ERC2: variants seen among roughly 807,000 people sequenced by gnomAD.
The protein encoded by ERC2 is ELKS/RAB6-interacting/CAST family member 2.
A neutral mutation model predicts 114.8 loss-of-function variants in ERC2; 42 were observed. The observed-to-expected ratio is 0.37, with a 90% CI of 0.29 to 0.47. ERC2 has a LOEUF of 0.47. Ranked by LOEUF, ERC2 falls within the 20% of genes least tolerant of loss-of-function variation. ERC2 has a pLI of 0.99. For missense variants in ERC2, 939 were observed against 1,150.7 expected (o/e 0.82, Z 2.66); for synonymous variants, 454 against 425.5 (o/e 1.07, Z -0.82).
chr3:56,434,607 T>A lies in ERC2; in HGVS notation c.401A>T (p.Gln134Leu), dbSNP rs2061936373. ...LTGSSHHHHH[Q>L]VPSMLRQVRD... ...TACCTGCCTCAACATGGAGGGGACC[T>A]GGTGGTGGTGATGATGGGATGAGCC... The change falls in exon 2 of 18, where the codon CAG becomes CTG. Residue 134 changes from glutamine (Q) to leucine (L), a missense_variant. By Grantham distance (113) the Gln-to-Leu change is moderately radical. This residue lies in a region of ERC2 where 281 missense variants were observed against 307.4 expected (regional missense o/e 0.91). Transcript: ENST00000288221. 1 of 1,613,834 alleles carries A rather than the reference T, an allele frequency of 6.2e-7. No individual in the cohort carries two copies. Among genetic ancestry groups the A allele is most frequent in the African/African-American group, 1.3e-5 (1 of 74,902 alleles).
intron 7 of ERC2, among the ~76,000 whole-genome samples, chr3:56,041,225 T>A (rs2075173257): frequency 6.6e-6 from 1 of 152,158 alleles, no homozygotes; most frequent in Admixed American, 6.5e-5. Flanking sequence ...TTACATTCTA[T>A]GTATATCTTT....
chr3:55,943,075 T>A (rs904182911), intron 13 of ERC2, among the ~76,000 whole-genome samples: 1 of 152,218 alleles, frequency 6.6e-6, no homozygotes, highest in Non-Finnish European at 1.5e-5. Context: ...CTGGTAGCGA[T>A]AACTCAGGGT....
intron 2 of ERC2, among the ~76,000 whole-genome samples, chr3:56,368,739 C>T (rs1039072926): frequency 1.5e-4 from 22 of 151,692 alleles, no homozygotes; most frequent in African/African-American, 4.6e-4. Context: ...CCCAGCTTGT[C>T]AAAAACAGGT....
chr3:56,380,407 G>A (rs2059703824), intron 2 of ERC2, among the ~76,000 whole-genome samples: 1 of 151,890 alleles, frequency 6.6e-6, no homozygotes. Flanking sequence ...CCCACTCCCT[G>A]GGCTGATGCT....
At chr3:55,957,954 C>T (rs77167976) in intron 12 of ERC2, among the ~76,000 whole-genome samples, 2 of 152,322 alleles carry the variant, frequency 1.3e-5, no homozygotes, top group East Asian at 3.9e-4. Flanking sequence ...TCTCACCGCC[C>T]ACTATATGGT....
At chr3:56,427,265 TTGG>T (rs201138919) in intron 2 of ERC2, among the ~76,000 whole-genome samples, 6,167 of 151,914 alleles carry the variant, frequency 0.041, 310 homozygotes, top group African/African-American at 0.11. Context: ...TTTTGTTTGG[TTGG>T]TTGGTTGGTT....
At chr3:56,101,203 G>C (rs1167626087) in intron 6 of ERC2, among the ~76,000 whole-genome samples, 2 of 152,250 alleles carry the variant, frequency 1.3e-5, no homozygotes, top group East Asian at 3.9e-4. Flanking sequence ...CGGACTGCAG[G>C]CTGGTGCGCC....
chr3:55,897,604 A>G (rs1027594384), intron 13 of ERC2, among the ~76,000 whole-genome samples: 4 of 152,146 alleles, frequency 2.6e-5, no homozygotes, highest in African/African-American at 7.2e-5. Flanking sequence ...GCCCAGCACA[A>G]CTCTGGACAC....
chr3:56,382,994 G>A (rs2059807651), intron 2 of ERC2, among the ~76,000 whole-genome samples: 2 of 151,922 alleles, frequency 1.3e-5, no homozygotes, highest in African/African-American at 2.4e-5. Flanking sequence ...AGTTGCCCAG[G>A]CCCCACACCT....
At chr3:56,057,163 T>C (rs1365291983) in intron 7 of ERC2, among the ~76,000 whole-genome samples, 2 of 152,194 alleles carry the variant, frequency 1.3e-5, no homozygotes, top group Non-Finnish European at 1.5e-5. Flanking sequence ...ATATTTTATT[T>C]CTAATTACAG....
intron 6 of ERC2, among the ~76,000 whole-genome samples, chr3:56,128,130 A>G (rs2079992313): frequency 6.6e-6 from 1 of 152,186 alleles, no homozygotes; most frequent in African/African-American, 2.4e-5. Context: ...ATAGTGCTCC[A>G]AGCACCAACA....
At chr3:56,025,553 C>T (rs1159576176) in intron 7 of ERC2, among the ~76,000 whole-genome samples, 3 of 152,184 alleles carry the variant, frequency 2.0e-5, no homozygotes, top group African/African-American at 7.2e-5. Flanking sequence ...TACTTCCCTC[C>T]CTCTTTAAAA....
rs572306149 is a variant in ERC2 at position 56,325,307 on chromosome 3, G to A, written c.658-28872C>T. Reference sequence around the variant, plus strand: ...AAAATACAAAAAAATTTAGCTGGGTGTGGTGGTGGGCACCTGCAGTCCCAG... The same window carrying A: ...AAAATACAAAAAAATTTAGCTGGGTATGGTGGTGGGCACCTGCAGTCCCAG... On this transcript the variant is annotated intron_variant, in intron 2 of 17. Coordinates refer to ENST00000288221, the MANE Select transcript of ERC2 (RefSeq NM_015576.3). Among the ~76,000 whole-genome samples the A allele has an allele frequency of 8.3e-4, 126 of 152,176 alleles. 1 individual carries two copies. The highest frequency in any genetic ancestry group is 3.4e-3 in the Middle Eastern group (1 of 294).
intron 17 of ERC2, among the ~76,000 whole-genome samples, chr3:55,532,182 A>G (rs948701682): frequency 2.0e-5 from 3 of 152,208 alleles, no homozygotes; most frequent in Non-Finnish European, 4.4e-5. Context: ...TGGGAAGACC[A>G]TAGAGCTGAC....
chr3:55,721,984 T>C (rs528010762), intron 15 of ERC2, among the ~76,000 whole-genome samples: 228 of 152,320 alleles, frequency 1.5e-3, no homozygotes, highest in Non-Finnish European at 2.6e-3. Flanking sequence ...CAGTTAATTG[T>C]AGTTTCTGGG....
chr3:55,650,059 C>T (rs1276383866), intron 17 of ERC2, among the ~76,000 whole-genome samples: 1 of 152,190 alleles, frequency 6.6e-6, no homozygotes, highest in East Asian at 1.9e-4. Flanking sequence ...AGCCTGATTC[C>T]TCACTGTGAA....
chr3:56,007,142 T>A, intron 10 of ERC2, 39 bp downstream of exon 10: 1 of 1,513,356 alleles, frequency 6.6e-7, no homozygotes, highest in Non-Finnish European at 8.8e-7. Flanking sequence ...TAAATTCATT[T>A]TTAAATAAGC....
intron 14 of ERC2, among the ~76,000 whole-genome samples, chr3:55,822,012 G>A (rs1575715916): frequency 6.6e-6 from 1 of 152,180 alleles, no homozygotes; most frequent in South Asian, 2.1e-4. Flanking sequence ...TGTTTCCTAA[G>A]ACTTCATTTA....
rs150913190 is a variant in ERC2 at position 56,165,820 on chromosome 3, G to A, written c.1149+7626C>T. On this transcript the variant is annotated intron_variant, in intron 4 of 17. Transcript: ENST00000288221. ...TAAATTTATTTACTAATCTAATATT[G>A]TATATATGGATTCACTGATATTTTC... Among the ~76,000 whole-genome samples the A allele has an allele frequency of 9.2e-3, 1,389 of 151,740 alleles. 25 individuals are homozygous for A. The highest frequency in any genetic ancestry group is 0.032 in the African/African-American group (1,331 of 41,394).
Sources: gnomAD v4.1 joint callset for allele counts (sites outside exome capture counted in the v4.1 genomes callset) on GRCh38, gnomAD v4.1.1 for gene constraint, gnomAD v4.1.1 regional missense constraint, MANE v1.5 for transcripts, NCBI Gene and HGNC (gene_info 2026-07-23, HGNC 2026-07-21) for gene names.